Variants in ARHGAP15 observed in about 807,000 individuals in gnomAD.
The protein encoded by ARHGAP15 is rho GTPase-activating protein 15.
Under a neutral mutation model 63.7 loss-of-function variants are expected in ARHGAP15, and 51 were observed. The ratio of observed to expected loss-of-function variants is 0.80; its 90% CI spans 0.64 to 1.01. The LOEUF is 1.01. Ranked by LOEUF, ARHGAP15 falls within the 50% of genes least tolerant of loss-of-function variation. ARHGAP15 has a pLI of 0.00. For synonymous variants in ARHGAP15, 191 were observed against 193.8 expected, an observed-to-expected ratio of 0.99 and a Z score of 0.12; for missense variants, 560 against 564.6, an observed-to-expected ratio of 0.99 and a Z score of 0.08.
intron 11 of ARHGAP15, among the ~76,000 whole-genome samples, chr2:143,596,297 G>A (rs559802407): frequency 1.5e-4 from 23 of 152,216 alleles, no homozygotes; most frequent in African/African-American, 4.8e-4. Context: ...GAAGCAAAAC[G>A]TGCTGCTGGA....
chr2:143,610,716 A>G (rs1698217061), intron 11 of ARHGAP15, among the ~76,000 whole-genome samples: 1 of 138,582 alleles, frequency 7.2e-6, no homozygotes, highest in African/African-American at 2.8e-5. Flanking sequence ...TGACTTGTTC[A>G]GTGTATTTAT....
chr2:143,163,072 ATAT>A (rs1690361721), intron 2 of ARHGAP15, among the ~76,000 whole-genome samples: 1 of 152,046 alleles, frequency 6.6e-6, no homozygotes, highest in Non-Finnish European at 1.5e-5. Context: ...AGTATGTCAA[ATAT>A]TATCCTTTGC....
chr2:143,581,152 C>T (rs1696886503), intron 11 of ARHGAP15, among the ~76,000 whole-genome samples: 3 of 152,132 alleles, frequency 2.0e-5, no homozygotes, highest in Admixed American at 2.0e-4. Flanking sequence ...TGTTTTCAGG[C>T]ATACTCGATG....
intron 6 of ARHGAP15, among the ~76,000 whole-genome samples, chr2:143,297,383 G>C (rs1329023329): frequency 1.3e-5 from 2 of 151,966 alleles, no homozygotes; most frequent in African/African-American, 4.8e-5. Context: ...GGTTGACTCT[G>C]CACCTTCCTG....
intron 1 of ARHGAP15, among the ~76,000 whole-genome samples, chr2:143,139,025 T>C (rs1400499143): frequency 6.6e-6 from 1 of 152,126 alleles, no homozygotes; most frequent in Non-Finnish European, 1.5e-5. Flanking sequence ...TTTTGGTCTC[T>C]CTTTTGACGT....
chr2:143,290,967 G>A (rs1295918076), intron 6 of ARHGAP15, among the ~76,000 whole-genome samples: 1 of 152,140 alleles, frequency 6.6e-6, no homozygotes, highest in Non-Finnish European at 1.5e-5. Flanking sequence ...AGACAGAAGA[G>A]AAGGAAGAAG....
chr2:143,372,116 G>T (rs911320014), intron 6 of ARHGAP15, among the ~76,000 whole-genome samples: 2 of 151,764 alleles, frequency 1.3e-5, no homozygotes, highest in African/African-American at 4.8e-5. Flanking sequence ...GAGGCAGGAG[G>T]ATCACTTGAG....
chr2:143,376,211 A>G (rs1686801831), intron 6 of ARHGAP15, among the ~76,000 whole-genome samples: 1 of 152,230 alleles, frequency 6.6e-6, no homozygotes, highest in African/African-American at 2.4e-5. Flanking sequence ...TTTAAATTAC[A>G]AAGATAGAAA....
chr2:143,413,966 T>TGTGTGTGTGTGTGCGCGCGCGCGCGCGC lies in ARHGAP15; in HGVS notation c.475-21634_475-21633insTGTGTGTGTGTGCGCGCGCGCGCGCGCG. Among the ~76,000 whole-genome samples the TGTGTGTGTGTGTGCGCGCGCGCGCGCGC allele has an allele frequency of 1.1e-4, 13 of 117,924 alleles. No homozygotes were observed. In the South Asian group the frequency reaches 1.3e-3, roughly 12 times the overall value. 77.4% of individuals were successfully genotyped at this position (117,924 alleles called of 152,430 possible). A position where few individuals can be genotyped will look rare whatever the true frequency, so the allele number is the denominator to read the frequency against. On this transcript the variant is annotated intron_variant, in intron 6 of 13. Coordinates refer to ENST00000295095, the MANE Select transcript of ARHGAP15 (RefSeq NM_018460.4). ...GTGTGTGTGTGTGTGTGTGTGTGTG[T>TGTGTGTGTGTGTGCGCGCGCGCGCGCGC]GCGCGCTCTCTGGCAGAAAGTTAAT...
At chr2:143,509,956 G>A (rs1466276689) in intron 9 of ARHGAP15, among the ~76,000 whole-genome samples, 2 of 145,822 alleles carry the variant, frequency 1.4e-5, no homozygotes, top group Non-Finnish European at 3.0e-5. Context: ...GGGAGTCAGA[G>A]GTGTAGTGAG....
chr2:143,305,052 G>A (rs1382949064), intron 6 of ARHGAP15, among the ~76,000 whole-genome samples: 2 of 151,936 alleles, frequency 1.3e-5, no homozygotes, highest in Admixed American at 6.6e-5. Flanking sequence ...CACTGCTCAC[G>A]ATAGCAAAGA....
chr2:143,360,236 T>A (rs905001888), intron 6 of ARHGAP15, among the ~76,000 whole-genome samples: 2 of 144,292 alleles, frequency 1.4e-5, no homozygotes, highest in Non-Finnish European at 3.0e-5. Flanking sequence ...AAAAAAAAAA[T>A]AGCACATTAT....
chr2:143,193,157 T>C (rs992477382), intron 2 of ARHGAP15, among the ~76,000 whole-genome samples: 4 of 152,152 alleles, frequency 2.6e-5, no homozygotes, highest in Non-Finnish European at 5.9e-5. Context: ...AGGACAGATA[T>C]TGTACAAAGA....
At chr2:143,194,201 A>G (rs1341706915) in intron 2 of ARHGAP15, among the ~76,000 whole-genome samples, 3 of 152,134 alleles carry the variant, frequency 2.0e-5, no homozygotes, top group African/African-American at 7.2e-5. Context: ...AGTTCTTGCT[A>G]TTGTTTTCTG....
At chr2:143,203,183 T>C (rs765347425) in intron 3 of ARHGAP15, among the ~76,000 whole-genome samples, 8 of 152,102 alleles carry the variant, frequency 5.3e-5, no homozygotes, top group Non-Finnish European at 1.0e-4. Flanking sequence ...GCACCAACAA[T>C]AATTTCTTTT....
chr2:143,268,502 TAA>T (rs950055175), intron 6 of ARHGAP15, among the ~76,000 whole-genome samples: 37 of 152,290 alleles, frequency 2.4e-4, no homozygotes, highest in Middle Eastern at 6.8e-3. Flanking sequence ...GCAGAACAAG[TAA>T]AAGATTTTTT....
chr2:143,516,797 G>C (rs2104975580), intron 9 of ARHGAP15, among the ~76,000 whole-genome samples: 1 of 152,244 alleles, frequency 6.6e-6, no homozygotes, highest in South Asian at 2.1e-4. Flanking sequence ...ACAGTGTTTT[G>C]AACAAGTCAT....
intron 11 of ARHGAP15, among the ~76,000 whole-genome samples, chr2:143,579,591 G>C (rs532416690): frequency 6.6e-6 from 1 of 152,066 alleles, no homozygotes; most frequent in Non-Finnish European, 1.5e-5. Flanking sequence ...AGGGGAGCTC[G>C]TCCAAAAAGA....
At chr2:143,560,568 T>A (rs1401609812) in intron 11 of ARHGAP15, among the ~76,000 whole-genome samples, 2 of 152,238 alleles carry the variant, frequency 1.3e-5, no homozygotes, top group East Asian at 3.9e-4. Flanking sequence ...CTGTTGATTA[T>A]CTCTTTATAA....
Sources: allele counts gnomAD v4.1 joint callset (sites outside exome capture counted in the v4.1 genomes callset), GRCh38; gene constraint gnomAD v4.1.1; transcripts MANE v1.5; gene names NCBI Gene and HGNC (gene_info 2026-07-23, HGNC 2026-07-21).